Variants in BAZ2B observed in about 807,000 individuals in gnomAD.
BAZ2B encodes the protein bromodomain adjacent to zinc finger domain 2B.
BAZ2B carries 91 observed loss-of-function variants against 246.0 expected under a neutral mutation model. The ratio of observed to expected loss-of-function variants is 0.37; its 90% CI spans 0.31 to 0.44. The LOEUF (loss-of-function observed/expected upper bound fraction) is 0.44. Among genes scored for constraint, BAZ2B ranks in the 20% least tolerant of loss-of-function variants. The probability of loss-of-function intolerance (pLI) is 1.00; values close to 1 mark genes in which losing one functional copy is unlikely to be tolerated. For synonymous variants in BAZ2B, 855 were observed against 860.0 expected, an observed-to-expected ratio of 0.99 and a Z score of 0.10; for missense variants, 2,332 against 2,533.7, an observed-to-expected ratio of 0.92 and a Z score of 1.71.
At chr2:159,498,566 T>C (rs896901355) in intron 2 of BAZ2B, among the ~76,000 whole-genome samples, 1 of 152,216 alleles carries the variant, frequency 6.6e-6, no homozygotes, top group Admixed American at 6.5e-5. Context: ...GAAGTTAATA[T>C]GTAATTTTAT....
intron 27 of BAZ2B, among the ~76,000 whole-genome samples, chr2:159,354,964 A>G (rs1309534238): frequency 6.6e-6 from 1 of 152,206 alleles, no homozygotes; most frequent in African/African-American, 2.4e-5. Flanking sequence ...TGCTACTGGA[A>G]AGAAGCTATG....
In BAZ2B at chr2:159,347,471, C is replaced by T. The variant is rs533627781; in HGVS notation, c.5454+15G>A. ...CATTATCCTAAAAACATATTTTATT[C>T]CAAGTCGATTTTACCTTCACTTGCA... On this transcript the variant is annotated intron_variant, in intron 31 of 36. Coordinates refer to ENST00000392783, the MANE Select transcript of BAZ2B (RefSeq NM_013450.4). 44 of 1,609,744 alleles carry T rather than the reference C, an allele frequency of 2.7e-5. No individual in the cohort carries two copies. In the Admixed American group the frequency reaches 4.2e-4, roughly 15 times the overall value.
chr2:159,700,499 G>A, the BAZ2B span, among the ~76,000 whole-genome samples: 1 of 152,204 alleles, frequency 6.6e-6, no homozygotes, highest in South Asian at 2.1e-4. Flanking sequence ...AGGCAGGAGT[G>A]CAGTGGTGCG....
chr2:159,382,871 C>T lies in BAZ2B; in HGVS notation c.3762-69G>A, dbSNP rs2062160357. 4 of 1,538,714 alleles carry T rather than the reference C, an allele frequency of 2.6e-6. No individual in the cohort carries two copies. In the Admixed American group the frequency reaches 7.8e-5, roughly 30 times the overall value. ...TCAATATACTTTTAAAAGAGCAAAA[C>T]ATGAGTTGTATGCAAAAATACCTTA... On this transcript the variant is annotated intron_variant, in intron 24 of 36. Transcript: ENST00000392783.
chr2:159,660,170 G>T, the BAZ2B span, among the ~76,000 whole-genome samples: 1 of 151,972 alleles, frequency 6.6e-6, no homozygotes, highest in African/African-American at 2.4e-5. Flanking sequence ...CTATTAATTT[G>T]CCTCTATGAG....
At chr2:159,667,642 A>G in the BAZ2B span, among the ~76,000 whole-genome samples, 1 of 144,756 alleles carries the variant, frequency 6.9e-6, no homozygotes, top group Non-Finnish European at 1.5e-5. Flanking sequence ...ATAAATAAAT[A>G]AAAGACTCTC....
chr2:159,646,619 G>A, the BAZ2B span, among the ~76,000 whole-genome samples: 1 of 152,070 alleles, frequency 6.6e-6, no homozygotes, highest in Non-Finnish European at 1.5e-5. Context: ...TATTAATTTG[G>A]GGATCTAATA....
At chr2:159,601,804 T>C (rs1403958652) in intron 1 of BAZ2B, among the ~76,000 whole-genome samples, 1 of 152,080 alleles carries the variant, frequency 6.6e-6, no homozygotes, top group Non-Finnish European at 1.5e-5. Flanking sequence ...AAAGGTAATA[T>C]CATAAAAAAA....
chr2:159,477,979 T>G (rs2078812537), intron 3 of BAZ2B, among the ~76,000 whole-genome samples: 1 of 152,198 alleles, frequency 6.6e-6, no homozygotes, highest in African/African-American at 2.4e-5. Context: ...TGCGCCACCA[T>G]GCCTGGCTAA....
At chr2:159,324,104 A>G (rs924356935) in intron 36 of BAZ2B, among the ~76,000 whole-genome samples, 3 of 152,216 alleles carry the variant, frequency 2.0e-5, no homozygotes, top group Admixed American at 2.0e-4. Context: ...CATAGAGAAC[A>G]GTTATTTTCA....
intron 22 of BAZ2B, 134 bp downstream of exon 22, chr2:159,386,217 ATC>A (rs2062639506): frequency 9.8e-7 from 1 of 1,017,454 alleles, no homozygotes; most frequent in African/African-American, 1.6e-5. Flanking sequence ...CCTGACACAA[ATC>A]TACAGTTAAC....
the BAZ2B span, among the ~76,000 whole-genome samples, chr2:159,638,764 C>T: frequency 7.9e-5 from 12 of 151,388 alleles, no homozygotes; most frequent in South Asian, 2.1e-4. Context: ...TAGAAAATAG[C>T]GTCAAAAGGG....
chr2:159,489,563 G>A (rs2080216242), intron 2 of BAZ2B, among the ~76,000 whole-genome samples: 1 of 152,096 alleles, frequency 6.6e-6, no homozygotes, highest in East Asian at 1.9e-4. Context: ...AAAGATTCAA[G>A]AAGATGAGCA....
the BAZ2B span, among the ~76,000 whole-genome samples, chr2:159,625,872 A>T: frequency 1.3e-5 from 2 of 152,184 alleles, no homozygotes; most frequent in Admixed American, 1.3e-4. Context: ...TAAAAGACAC[A>T]GACTGGCAAA....
intron 3 of BAZ2B, among the ~76,000 whole-genome samples, chr2:159,467,136 AG>A (rs1318964549): frequency 6.6e-6 from 1 of 152,226 alleles, no homozygotes; most frequent in Non-Finnish European, 1.5e-5. Flanking sequence ...GTAAAAGGTC[AG>A]GGAGGCTGAA....
chr2:159,344,679 G>A (rs926242809), intron 31 of BAZ2B, among the ~76,000 whole-genome samples: 25 of 152,096 alleles, frequency 1.6e-4, no homozygotes, highest in African/African-American at 4.8e-4. Context: ...ACAACAGAAT[G>A]CTATACAACC....
Position 159,478,319 on chromosome 2 carries a change from AATTT to A in BAZ2B, c.145+252_145+255del, listed in dbSNP as rs573545979. Among the ~76,000 whole-genome samples the A allele has an allele frequency of 9.1e-4, 138 of 152,264 alleles. 1 individual carries two copies. Among genetic ancestry groups the A allele is most frequent in the African/African-American group, 2.8e-3 (118 of 41,550 alleles). On this transcript the variant is annotated intron_variant, in intron 3 of 36. Coordinates refer to ENST00000392783, the MANE Select transcript of BAZ2B (RefSeq NM_013450.4). ...GCCTATTGTTTTAAAAGACTTCATT[AATTT>A]ATTAATTAAAATGATAAAACAAATT...
chr2:159,451,077 C>T (rs960209124), intron 4 of BAZ2B, among the ~76,000 whole-genome samples: 1 of 152,088 alleles, frequency 6.6e-6, no homozygotes, highest in Non-Finnish European at 1.5e-5. Flanking sequence ...GAGGACATAA[C>T]AGATCTCAAT....
At chr2:159,441,745 G>A (rs1366925453) in intron 6 of BAZ2B, among the ~76,000 whole-genome samples, 1 of 152,078 alleles carries the variant, frequency 6.6e-6, no homozygotes, top group Admixed American at 6.6e-5. Context: ...GAACTCCTGG[G>A]CTCAAGCGAT....
Sources: allele counts gnomAD v4.1 joint callset (sites outside exome capture counted in the v4.1 genomes callset), GRCh38; gene constraint gnomAD v4.1.1; transcripts MANE v1.5; gene names NCBI Gene and HGNC (gene_info 2026-07-23, HGNC 2026-07-21).